ANK2: variants seen among roughly 807,000 people sequenced by gnomAD.
The protein encoded by ANK2 is ankyrin-2.
Under a neutral mutation model 360.5 loss-of-function variants are expected in ANK2, and 83 were observed. The observed-to-expected ratio is 0.23, with a 90% CI of 0.19 to 0.28. The LOEUF (loss-of-function observed/expected upper bound fraction) is 0.28, where lower values mean the gene tolerates loss of function less well. ANK2 is among the 10% of genes least tolerant of loss of function. The probability of loss-of-function intolerance (pLI) is 1.00; values close to 1 mark genes in which losing one functional copy is unlikely to be tolerated. For missense variants in ANK2, 4,201 were observed against 4,795.7 expected (o/e 0.88, Z 3.66); for synonymous variants, 1,740 against 1,759.5 (o/e 0.99, Z 0.28).
intron 17 of ANK2, among the ~76,000 whole-genome samples, chr4:113,278,905 G>T (rs533014940): frequency 6.6e-6 from 1 of 152,144 alleles, no homozygotes; most frequent in South Asian, 2.1e-4. Context: ...TAAACCAAAT[G>T]CTATGATGAA....
At chr4:112,831,928 G>C (rs777402411) in intron 1 of ANK2, among the ~76,000 whole-genome samples, 27 of 152,200 alleles carry the variant, frequency 1.8e-4, no homozygotes, top group African/African-American at 2.6e-4. Context: ...AAACCCACCA[G>C]AAGGAAGAAA....
At chr4:113,057,310 A>T (rs1477942092) in intron 1 of ANK2, among the ~76,000 whole-genome samples, 1 of 152,220 alleles carries the variant, frequency 6.6e-6, no homozygotes, top group Non-Finnish European at 1.5e-5. Flanking sequence ...TTTTGTTAGA[A>T]GAGTAAACCC....
the ANK2 span, among the ~76,000 whole-genome samples, chr4:112,779,840 G>A: frequency 6.6e-6 from 1 of 152,216 alleles, no homozygotes; most frequent in Non-Finnish European, 1.5e-5. Context: ...GAAACAAGGG[G>A]TTTCTTGCAG....
At chr4:113,175,026 T>C (rs2098139059) in intron 2 of ANK2, among the ~76,000 whole-genome samples, 1 of 152,200 alleles carries the variant, frequency 6.6e-6, no homozygotes. Flanking sequence ...ATAAGGACTT[T>C]AGAGAATATT....
At chr4:113,172,293 A>G (rs1240825614) in intron 1 of ANK2, among the ~76,000 whole-genome samples, 1 of 152,208 alleles carries the variant, frequency 6.6e-6, no homozygotes, top group African/African-American at 2.4e-5. Flanking sequence ...ACTGGGGTTA[A>G]TGCAGGTGAA....
chr4:113,368,534 G>A (rs1179770069), intron 42 of ANK2, among the ~76,000 whole-genome samples: 1 of 152,168 alleles, frequency 6.6e-6, no homozygotes, highest in Non-Finnish European at 1.5e-5. Flanking sequence ...TTTAAGTTCC[G>A]GCCTTTATGG....
chr4:113,020,700 C>T (rs10030964), intron 2 of ANK2, among the ~76,000 whole-genome samples: 1 of 151,970 alleles, frequency 6.6e-6, no homozygotes, highest in South Asian at 2.1e-4. Context: ...GTGGCATGCA[C>T]CTGTAATTCC....
the ANK2 span, among the ~76,000 whole-genome samples, chr4:112,705,769 G>A: frequency 6.6e-6 from 1 of 152,252 alleles, no homozygotes; most frequent in African/African-American, 2.4e-5. Flanking sequence ...GGCTAGGGAA[G>A]CAGCCTCCTT....
intron 1 of ANK2, among the ~76,000 whole-genome samples, chr4:113,058,705 C>T (rs1040545200): frequency 2.0e-5 from 3 of 151,804 alleles, no homozygotes; most frequent in Admixed American, 6.6e-5. Flanking sequence ...GGCAATACAC[C>T]CAATGGCCAA....
Position 113,336,094 on chromosome 4 carries a change from T to C in ANK2, c.3591+37T>C, listed in dbSNP as rs778595367. The C allele has an allele frequency of 9.4e-6, 15 of 1,594,974 alleles. 1 individual carries two copies. Among genetic ancestry groups the C allele is most frequent in the African/African-American group, 1.3e-5 (1 of 74,234 alleles). ...TTAGATGCAAATGATCCTAACAGGA[T>C]TGTATTCTAATGATTAAAAATTAGC... On this transcript the variant is annotated intron_variant, in intron 30 of 45. Coordinates refer to ENST00000357077, the MANE Select transcript of ANK2 (RefSeq NM_001148.6).
intron 2 of ANK2, among the ~76,000 whole-genome samples, chr4:112,907,227 T>C (rs916758967): frequency 2.6e-5 from 4 of 152,200 alleles, no homozygotes; most frequent in Non-Finnish European, 4.4e-5. Flanking sequence ...GACTTCAGTT[T>C]GCTGACTTTG....
chr4:112,893,468 C>A (rs568475171), intron 1 of ANK2, among the ~76,000 whole-genome samples: 20 of 152,236 alleles, frequency 1.3e-4, no homozygotes, highest in South Asian at 4.1e-4. Flanking sequence ...CAGCTAGCAC[C>A]TTAAATCTTA....
chr4:112,733,611 C>T, the ANK2 span, among the ~76,000 whole-genome samples: 1 of 152,132 alleles, frequency 6.6e-6, no homozygotes, highest in Admixed American at 6.5e-5. Context: ...CAGCATCTAG[C>T]TCAAATTAAA....
Position 113,350,547 on chromosome 4 carries a change from C to T in ANK2, c.4426+298C>T, listed in dbSNP as rs897788397. ...ATGCTTGTTTAGAAACCCACCCTAC[C>T]GTTTTGTCCATTTGTTAGCAAAACA... On this transcript the variant is annotated intron_variant, in intron 37 of 45. Coordinates refer to ENST00000357077, the MANE Select transcript of ANK2 (RefSeq NM_001148.6). 13 of 312,780 alleles carry T rather than the reference C, an allele frequency of 4.2e-5. No individual in the cohort carries two copies. The East Asian group carries it at 5.1e-4, about 12-fold the overall frequency. 19.4% of individuals were successfully genotyped at this position (312,780 alleles called of 1,614,324 possible). A position where few individuals can be genotyped will look rare whatever the true frequency, so the allele number is the denominator to read the frequency against.
intron 24 of ANK2, among the ~76,000 whole-genome samples, chr4:113,315,726 G>A (rs900239978): frequency 5.3e-5 from 8 of 151,770 alleles, no homozygotes; most frequent in South Asian, 2.1e-4. Flanking sequence ...GTGAAACCCT[G>A]TCTCTACTAA....
chr4:113,180,256 G>A (rs1306081562), intron 2 of ANK2, among the ~76,000 whole-genome samples: 1 of 152,154 alleles, frequency 6.6e-6, no homozygotes, highest in Non-Finnish European at 1.5e-5. Context: ...CCACTTACCA[G>A]CTGAGTGACC....
At chr4:112,973,861 G>A (rs548296402) in intron 2 of ANK2, among the ~76,000 whole-genome samples, 3 of 152,274 alleles carry the variant, frequency 2.0e-5, no homozygotes, top group African/African-American at 4.8e-5. Flanking sequence ...CATCTGACTG[G>A]ATAGATGGCG....
At chr4:112,853,044 A>G (rs993288172) in intron 1 of ANK2, among the ~76,000 whole-genome samples, 1 of 151,538 alleles carries the variant, frequency 6.6e-6, no homozygotes. Context: ...TACAGCCTCA[A>G]CTGCAAATGT....
chr4:113,144,839 A>G (rs1377867960), intron 1 of ANK2, among the ~76,000 whole-genome samples: 1 of 148,032 alleles, frequency 6.8e-6, no homozygotes, highest in Non-Finnish European at 1.5e-5. Context: ...ATATATATAT[A>G]TATAGTTTTA....
Sources: allele counts gnomAD v4.1 joint callset (sites outside exome capture counted in the v4.1 genomes callset), GRCh38; gene constraint gnomAD v4.1.1; transcripts MANE v1.5; gene names NCBI Gene and HGNC (gene_info 2026-07-23, HGNC 2026-07-21).